PDE4D: variants seen among roughly 807,000 people sequenced by gnomAD.
PDE4D encodes 3',5'-cyclic-AMP phosphodiesterase 4D.
In PDE4D, 24 loss-of-function variants were observed where a neutral mutation model predicts 87.4. The observed-to-expected ratio is 0.27, with a 90% CI of 0.20 to 0.39. The LOEUF (loss-of-function observed/expected upper bound fraction) is 0.39, where lower values mean the gene tolerates loss of function less well. Ranked by LOEUF, PDE4D falls within the 10% of genes least tolerant of loss-of-function variation. The pLI is 1.00. For missense variants in PDE4D, 714 were observed against 1,041.0 expected (o/e 0.69, Z 4.32); for synonymous variants, 384 against 383.2 (o/e 1.00, Z -0.02).
At chr5:60,297,108 A>T (rs978453673) in intron 1 of PDE4D, among the ~76,000 whole-genome samples, 24 of 152,188 alleles carry the variant, frequency 1.6e-4, no homozygotes, top group African/African-American at 5.5e-4. Context: ...AAAAGGTTTG[A>T]GTATTTATAC....
At chr5:60,029,379 C>T (rs925862455) in intron 2 of PDE4D, among the ~76,000 whole-genome samples, 1 of 152,184 alleles carries the variant, frequency 6.6e-6, no homozygotes, top group Non-Finnish European at 1.5e-5. Flanking sequence ...TAATCAGAAA[C>T]TCAAAATAAT....
At chr5:59,394,856 G>A (rs183003023) in intron 1 of PDE4D, among the ~76,000 whole-genome samples, 144 of 152,208 alleles carry the variant, frequency 9.5e-4, no homozygotes, top group African/African-American at 2.9e-3. Flanking sequence ...GACAGTAGGC[G>A]CAGGTCAGTG....
intron 3 of PDE4D, among the ~76,000 whole-genome samples, chr5:59,976,191 C>T (rs1194933682): frequency 6.6e-6 from 1 of 152,066 alleles, no homozygotes; most frequent in East Asian, 1.9e-4. Context: ...TTACCAGAAT[C>T]CCTTGCATGT....
At chr5:60,057,142 T>G (rs571830800) in intron 2 of PDE4D, among the ~76,000 whole-genome samples, 6 of 152,032 alleles carry the variant, frequency 3.9e-5, no homozygotes, top group African/African-American at 1.4e-4. Flanking sequence ...GAAACTAAAG[T>G]CTCTACACAG....
At chr5:59,431,967 T>C (rs183295690) in intron 1 of PDE4D, among the ~76,000 whole-genome samples, 7 of 152,258 alleles carry the variant, frequency 4.6e-5, no homozygotes, top group African/African-American at 7.2e-5. Flanking sequence ...CTCATTCTTT[T>C]TTATGGCTGC....
chr5:60,164,528 G>T (rs556506703), intron 2 of PDE4D, among the ~76,000 whole-genome samples: 4 of 152,192 alleles, frequency 2.6e-5, no homozygotes, highest in East Asian at 3.9e-4. Flanking sequence ...GAAACAAGAG[G>T]ATACCAGTTT....
At chr5:59,820,594 A>G (rs1435821532) in intron 1 of PDE4D, among the ~76,000 whole-genome samples, 1 of 152,190 alleles carries the variant, frequency 6.6e-6, no homozygotes, top group Non-Finnish European at 1.5e-5. Context: ...CAGTCGTGGG[A>G]CTAGCTAACA....
intron 11 of PDE4D, among the ~76,000 whole-genome samples, chr5:58,979,306 A>G (rs1165839173): frequency 6.6e-6 from 1 of 152,202 alleles, no homozygotes; most frequent in Admixed American, 6.5e-5. Context: ...CAGATTGGCT[A>G]GAAAAGCCAG....
intron 2 of PDE4D, among the ~76,000 whole-genome samples, chr5:59,994,062 T>C (rs1763280796): frequency 1.3e-5 from 2 of 152,178 alleles, no homozygotes; most frequent in East Asian, 3.9e-4. Context: ...TTTTCCTTTT[T>C]GTTTGTTTCA....
chr5:59,227,950 G>T (rs1335608432), intron 1 of PDE4D, among the ~76,000 whole-genome samples: 1 of 152,082 alleles, frequency 6.6e-6, no homozygotes, highest in Non-Finnish European at 1.5e-5. Flanking sequence ...ATACGTGCAT[G>T]CATGTGTTAA....
At chr5:59,420,689 GAA>G (rs55960957) in intron 1 of PDE4D, among the ~76,000 whole-genome samples, 10,755 of 121,950 alleles carry the variant, frequency 0.088, 510 homozygotes, top group South Asian at 0.24. Flanking sequence ...TACTGCACAA[GAA>G]AAAAAAAAAA....
intron 1 of PDE4D, among the ~76,000 whole-genome samples, chr5:59,424,853 T>G (rs1350298): frequency 0.83 from 126,016 of 152,150 alleles, 52,338 homozygotes; most frequent in South Asian, 0.88. Context: ...GTCCATGCAT[T>G]TAGGCAAGAG....
intron 3 of PDE4D, among the ~76,000 whole-genome samples, chr5:59,951,297 T>G (rs535516998): frequency 1.3e-5 from 2 of 152,330 alleles, no homozygotes; most frequent in African/African-American, 4.8e-5. Context: ...TTGAATTTTT[T>G]TCCCCAAACA....
intron 1 of PDE4D, among the ~76,000 whole-genome samples, chr5:59,597,229 T>A (rs1561291733): frequency 6.6e-6 from 1 of 152,170 alleles, no homozygotes; most frequent in Non-Finnish European, 1.5e-5. Flanking sequence ...CCTCCTGAAA[T>A]AAAGTCATTT....
chr5:59,727,820 G>A (rs1756822938), intron 1 of PDE4D, among the ~76,000 whole-genome samples: 1 of 152,042 alleles, frequency 6.6e-6, no homozygotes, highest in Admixed American at 6.6e-5. Context: ...TTCTCTCAAT[G>A]CATGCCATGT....
intron 2 of PDE4D, among the ~76,000 whole-genome samples, chr5:60,007,957 T>G (rs1262223726): frequency 1.3e-5 from 2 of 151,978 alleles, no homozygotes; most frequent in African/African-American, 4.8e-5. Context: ...TTGCCACATT[T>G]ATTCAGTTAA....
intron 1 of PDE4D, among the ~76,000 whole-genome samples, chr5:60,500,415 T>C (rs1302322589): frequency 6.6e-6 from 1 of 152,238 alleles, no homozygotes; most frequent in Non-Finnish European, 1.5e-5. Context: ...ATGCATCTTA[T>C]GTAATACTAC....
chr5:59,224,293 T>TACATAC (rs1753238251), intron 1 of PDE4D, among the ~76,000 whole-genome samples: 2 of 135,410 alleles, frequency 1.5e-5, no homozygotes, highest in South Asian at 2.4e-4. Flanking sequence ...CACACACACA[T>TACATAC]ACACACACAC....
intron 3 of PDE4D, among the ~76,000 whole-genome samples, chr5:59,932,161 C>T (rs893771056): frequency 1.3e-5 from 2 of 152,184 alleles, no homozygotes; most frequent in Admixed American, 1.3e-4. Flanking sequence ...AAAGCATAGC[C>T]ATCACGACTT....
Sources: allele counts gnomAD v4.1 joint callset (sites outside exome capture counted in the v4.1 genomes callset), GRCh38; gene constraint gnomAD v4.1.1; transcripts MANE v1.5; gene names NCBI Gene and HGNC (gene_info 2026-07-23, HGNC 2026-07-21).